Variants in GABRA5 observed in about 807,000 individuals in gnomAD.
The protein encoded by GABRA5 is gamma-aminobutyric acid receptor subunit alpha-5.
A neutral mutation model predicts 47.3 loss-of-function variants in GABRA5; 18 were observed. The observed-to-expected ratio is 0.38, with a 90% CI of 0.26 to 0.56. The LOEUF is 0.56. GABRA5 is among the 20% of genes least tolerant of loss of function. The pLI is 0.71. For synonymous variants in GABRA5, 237 were observed against 229.3 expected, an observed-to-expected ratio of 1.03 and a Z score of -0.30; for missense variants, 365 against 599.3, an observed-to-expected ratio of 0.61 and a Z score of 4.08.
At chr15:26,873,094 C>T (rs144227191) in intron 3 of GABRA5, among the ~76,000 whole-genome samples, 1 of 152,180 alleles carries the variant, frequency 6.6e-6, no homozygotes, top group Non-Finnish European at 1.5e-5. Flanking sequence ...TGCTAAGGTA[C>T]GTTTGACGAC....
intron 6 of GABRA5, among the ~76,000 whole-genome samples, chr15:26,890,247 G>C (rs1892972926): frequency 6.6e-6 from 1 of 152,000 alleles, no homozygotes; most frequent in Non-Finnish European, 1.5e-5. Flanking sequence ...TAGAAAAATA[G>C]TACCAGTTTC....
At chr15:26,903,303 C>A (rs1009635434) in intron 6 of GABRA5, among the ~76,000 whole-genome samples, 1 of 152,166 alleles carries the variant, frequency 6.6e-6, no homozygotes, top group African/African-American at 2.4e-5. Flanking sequence ...TTTTTTATGG[C>A]TGCATAGTAT....
chr15:26,869,304 G>A lies in GABRA5; in HGVS notation c.56G>A (p.Cys19Tyr). 6.2e-7 allele frequency: 1 copy of A among 1,608,150 alleles called. No homozygotes were observed. The highest frequency in any genetic ancestry group is 1.1e-5 in the South Asian group (1 of 90,952). Residue 19 changes from cysteine (C) to tyrosine (Y), a missense_variant, in exon 3 of 11, where the codon TGT becomes TAT. Around this residue, in one of 3 missense-constraint regions of GABRA5, gnomAD observed 216 missense variants for 335.3 expected, o/e 0.64. Transcript: ENST00000335625. The stretch of plus-strand genomic sequence containing the variant: ...ATGATCAAAAACCTCCTTCTCTTTT[G>A]TATTTCCATGAACTTATCCAGTCAC... ...FIMIKNLLLF[C>Y]ISMNLSSHFG...
chr15:26,909,293 A>G (rs1893521511), intron 6 of GABRA5, among the ~76,000 whole-genome samples: 1 of 152,130 alleles, frequency 6.6e-6, no homozygotes, highest in Non-Finnish European at 1.5e-5. Flanking sequence ...TCGTGATGAC[A>G]TTTGTCCCAC....
intron 1 of GABRA5, chr15:26,868,213 C>G (rs1488657506): frequency 6.6e-6 from 1 of 152,030 alleles, no homozygotes; most frequent in East Asian, 1.9e-4. Flanking sequence ...CATGCAGCGC[C>G]GCGTGCTCGC....
At chr15:26,872,878 T>C (rs1443330667) in intron 3 of GABRA5, among the ~76,000 whole-genome samples, 1 of 152,226 alleles carries the variant, frequency 6.6e-6, no homozygotes, top group Non-Finnish European at 1.5e-5. Context: ...ATGTACTTGG[T>C]GATTATATAG....
At chr15:26,873,884 C>CA (rs1469557152) in intron 3 of GABRA5, among the ~76,000 whole-genome samples, 1 of 152,070 alleles carries the variant, frequency 6.6e-6, no homozygotes, top group African/African-American at 2.4e-5. Flanking sequence ...TTGCACGTGG[C>CA]AAAAAATGTA....
At chr15:26,901,878 A>T (rs971841747) in intron 6 of GABRA5, among the ~76,000 whole-genome samples, 1 of 152,122 alleles carries the variant, frequency 6.6e-6, no homozygotes, top group Non-Finnish European at 1.5e-5. Context: ...GTGCATGCCC[A>T]TTTGGTCCAG....
At chr15:26,890,682 C>A (rs1410157784) in intron 6 of GABRA5, among the ~76,000 whole-genome samples, 1 of 152,180 alleles carries the variant, frequency 6.6e-6, no homozygotes, top group Non-Finnish European at 1.5e-5. Context: ...AGCTGAAGTT[C>A]TGTGTTCCCC....
chr15:26,933,702 T>A (rs1894163766), intron 7 of GABRA5, among the ~76,000 whole-genome samples: 1 of 152,164 alleles, frequency 6.6e-6, no homozygotes, highest in Non-Finnish European at 1.5e-5. Flanking sequence ...GGCAGACGTG[T>A]TATCTGTTCA....
Position 26,883,993 on chromosome 15 carries a change from C to G in GABRA5, c.497+436C>G, listed in dbSNP as rs1211932429. ...ATTAGCCTGGACAACATAGCGAGAC[C>G]TTGTTTCTACCAAAAAAAAAGAAAC... On this transcript the variant is annotated intron_variant, in intron 6 of 10. Coordinates refer to ENST00000335625, the MANE Select transcript of GABRA5 (RefSeq NM_000810.4). This position sits in a 1 kb window ranked among gnomAD's most constrained non-coding sequence, Gnocchi z 4.8. Among the ~76,000 whole-genome samples, 1 of 150,002 alleles carries G rather than the reference C, an allele frequency of 6.7e-6. No individual in the cohort carries two copies. The highest frequency in any genetic ancestry group is 1.5e-5 in the Non-Finnish European group (1 of 67,564).
intron 6 of GABRA5, among the ~76,000 whole-genome samples, chr15:26,903,292 C>CT (rs1396708559): frequency 6.6e-6 from 1 of 151,968 alleles, no homozygotes; most frequent in Non-Finnish European, 1.5e-5. Context: ...ACATGATCTT[C>CT]TTTTTTATGG....
intron 8 of GABRA5, chr15:26,939,309 C>T (rs1312010622): frequency 6.5e-6 from 5 of 765,194 alleles, no homozygotes; most frequent in Non-Finnish European, 1.2e-5. Context: ...CACAGCCAGG[C>T]AAATCCAGAG....
chr15:26,939,890 A>G (rs547854807), intron 8 of GABRA5, 35 bp from the exon 9 acceptor site: 3 of 1,611,628 alleles, frequency 1.9e-6, no homozygotes, highest in East Asian at 2.2e-5. Flanking sequence ...CAGAGACTCT[A>G]GGGGACTGAT....
chr15:26,932,445 T>A (rs1894130862), intron 7 of GABRA5, among the ~76,000 whole-genome samples: 1 of 152,164 alleles, frequency 6.6e-6, no homozygotes. Flanking sequence ...GAATGGTGAT[T>A]ATTACAAAGT....
upstream of GABRA5, chr15:26,866,997 C>G (rs1027290052): frequency 6.6e-6 from 1 of 152,428 alleles, no homozygotes; most frequent in Non-Finnish European, 1.5e-5. Context: ...GCGCCCTCCC[C>G]CTCCGCCCAG....
Position 26,883,273 on chromosome 15 carries a change from C to T in GABRA5, c.276+40C>T. On this transcript the variant is annotated intron_variant, in intron 5 of 10. Coordinates refer to ENST00000335625, the MANE Select transcript of GABRA5 (RefSeq NM_000810.4). The surrounding 1 kb of genome is among the most constrained non-coding windows in gnomAD (Gnocchi z 4.8). ...ATGGCTGGGCAGACAATTCTTACTC[C>T]GCGCCGCAGGCCCCCGCCCAGGCCC... is the stretch of plus-strand genomic sequence containing the variant. The T allele has an allele frequency of 6.2e-7, 1 of 1,611,176 alleles. No homozygotes were observed.
chr15:26,917,774 G>C (rs1265257807), intron 7 of GABRA5, among the ~76,000 whole-genome samples: 22 of 151,766 alleles, frequency 1.4e-4, no homozygotes. Context: ...CTATTTCTTT[G>C]TGATTCAGTC....
chr15:26,892,742 G>C (rs1881430543), intron 6 of GABRA5, among the ~76,000 whole-genome samples: 1 of 152,238 alleles, frequency 6.6e-6, no homozygotes, highest in Non-Finnish European at 1.5e-5. Context: ...CTTTCCGTTA[G>C]CATTCACATG....
Sources: allele counts gnomAD v4.1 joint callset (sites outside exome capture counted in the v4.1 genomes callset), GRCh38; gene constraint gnomAD v4.1.1; regional missense constraint gnomAD v4.1.1; non-coding constraint Gnocchi (gnomAD v3.1); transcripts MANE v1.5; gene names NCBI Gene and HGNC (gene_info 2026-07-23, HGNC 2026-07-21).